Variants in NRXN3 observed in about 807,000 individuals in gnomAD.
NRXN3 encodes the protein neurexin 3.
In NRXN3, 32 loss-of-function variants were observed where a neutral mutation model predicts 137.6. The observed-to-expected ratio is 0.23, with a 90% CI of 0.18 to 0.31. The LOEUF (loss-of-function observed/expected upper bound fraction) is 0.31, where lower values mean the gene tolerates loss of function less well. Ranked by LOEUF, NRXN3 falls within the 10% of genes least tolerant of loss-of-function variation. The pLI is 1.00. For missense variants in NRXN3, 1,574 were observed against 2,062.5 expected (o/e 0.76, Z 4.59); for synonymous variants, 798 against 784.5 (o/e 1.02, Z -0.29).
At chr14:79,028,951 G>A (rs1450824629) in intron 15 of NRXN3, among the ~76,000 whole-genome samples, 4 of 152,076 alleles carry the variant, frequency 2.6e-5, no homozygotes, top group African/African-American at 9.7e-5. Context: ...GCATTGGGAT[G>A]GGGATGAGGC....
At chr14:78,603,812 C>G (rs1194894473) in intron 4 of NRXN3, among the ~76,000 whole-genome samples, 1 of 152,120 alleles carries the variant, frequency 6.6e-6, no homozygotes, top group African/African-American at 2.4e-5. Context: ...CCATGGCCTT[C>G]ATAGGCTAGA....
intron 16 of NRXN3, among the ~76,000 whole-genome samples, chr14:79,585,993 T>C (rs1444754866): frequency 1.3e-5 from 2 of 152,222 alleles, no homozygotes; most frequent in Admixed American, 6.5e-5. Context: ...GCGTAGCATA[T>C]GGTGCTCCCT....
chr14:79,588,163 G>A (rs1279754764), intron 16 of NRXN3, among the ~76,000 whole-genome samples: 1 of 152,184 alleles, frequency 6.6e-6, no homozygotes, highest in Admixed American at 6.5e-5. Context: ...GCTTGAAGGA[G>A]TCAGTATGTA....
At chr14:78,577,651 G>A (rs1002657857) in intron 4 of NRXN3, among the ~76,000 whole-genome samples, 1 of 152,092 alleles carries the variant, frequency 6.6e-6, no homozygotes, top group Non-Finnish European at 1.5e-5. Context: ...TTTTAGTAGA[G>A]ATGGGGTTTC....
intron 19 of NRXN3, among the ~76,000 whole-genome samples, chr14:79,724,082 A>G (rs900127226): frequency 6.6e-6 from 1 of 152,132 alleles, no homozygotes; most frequent in Non-Finnish European, 1.5e-5. Flanking sequence ...TTTTTGTTAG[A>G]TTTCTGCTGT....
intron 6 of NRXN3, among the ~76,000 whole-genome samples, chr14:78,682,157 C>T (rs1014349483): frequency 3.9e-5 from 6 of 152,088 alleles, no homozygotes; most frequent in African/African-American, 7.2e-5. Context: ...TGAGCCACCA[C>T]ACCTGGCCGA....
intron 4 of NRXN3, among the ~76,000 whole-genome samples, chr14:78,523,364 C>T (rs1290552685): frequency 3.3e-5 from 5 of 152,276 alleles, no homozygotes; most frequent in Admixed American, 1.3e-4. Flanking sequence ...ATCAATTGTA[C>T]TTTTGTTCAT....
At chr14:78,302,867 G>A (rs527346554) in intron 4 of NRXN3, among the ~76,000 whole-genome samples, 14 of 152,308 alleles carry the variant, frequency 9.2e-5, no homozygotes, top group African/African-American at 3.1e-4. Flanking sequence ...AATGTCTCTT[G>A]CATCTCTGCT....
At chr14:79,417,305 T>A (rs1290226994) in intron 15 of NRXN3, among the ~76,000 whole-genome samples, 1 of 152,170 alleles carries the variant, frequency 6.6e-6, no homozygotes, top group Non-Finnish European at 1.5e-5. Context: ...GAACATTAAG[T>A]TTTTATTAAT....
chr14:79,727,099 A>T (rs1329138658), intron 19 of NRXN3, among the ~76,000 whole-genome samples: 1 of 152,242 alleles, frequency 6.6e-6, no homozygotes, highest in Non-Finnish European at 1.5e-5. Flanking sequence ...ATAAACACAT[A>T]GCACTAAGGT....
chr14:78,211,681 C>G (rs2062756039), intron 1 of NRXN3, among the ~76,000 whole-genome samples: 1 of 152,256 alleles, frequency 6.6e-6, no homozygotes, highest in African/African-American at 2.4e-5. Flanking sequence ...CAGAGTGCCA[C>G]TATTCTAACG....
At chr14:78,485,665 G>A (rs1396551550) in intron 4 of NRXN3, among the ~76,000 whole-genome samples, 1 of 152,112 alleles carries the variant, frequency 6.6e-6, no homozygotes, top group Non-Finnish European at 1.5e-5. Flanking sequence ...AGAGCCCTTG[G>A]CCACTTTATT....
chr14:78,592,806 C>G (rs1002750937), intron 4 of NRXN3, among the ~76,000 whole-genome samples: 1 of 152,142 alleles, frequency 6.6e-6, no homozygotes, highest in Non-Finnish European at 1.5e-5. Context: ...ACTGGGGACT[C>G]GATAACTAAA....
intron 15 of NRXN3, among the ~76,000 whole-genome samples, chr14:79,221,160 G>T (rs530037690): frequency 9.2e-5 from 14 of 152,102 alleles, no homozygotes; most frequent in Admixed American, 2.6e-4. Context: ...TCATTGATGG[G>T]CATTTAGGTT....
intron 8 of NRXN3, among the ~76,000 whole-genome samples, chr14:78,792,136 A>G (rs2098806978): frequency 6.6e-6 from 1 of 151,754 alleles, no homozygotes; most frequent in Admixed American, 6.6e-5. Context: ...CGTGAGCTAC[A>G]TTCTATGGCT....
chr14:79,030,007 C>A (rs1200424484), intron 15 of NRXN3, among the ~76,000 whole-genome samples: 2 of 150,964 alleles, frequency 1.3e-5, no homozygotes, highest in Non-Finnish European at 3.0e-5. Flanking sequence ...CCACTGTGCC[C>A]GTCTAATTTT....
At chr14:79,513,105 A>C (rs138113632) in intron 16 of NRXN3, among the ~76,000 whole-genome samples, 4 of 152,374 alleles carry the variant, frequency 2.6e-5, no homozygotes, top group East Asian at 3.9e-4. Flanking sequence ...GTATAACCCC[A>C]TAAGGATGGT....
intron 15 of NRXN3, among the ~76,000 whole-genome samples, chr14:79,327,675 C>T (rs918875512): frequency 6.6e-6 from 1 of 152,146 alleles, no homozygotes; most frequent in Non-Finnish European, 1.5e-5. Flanking sequence ...TTTGAATTTC[C>T]ATTGCATATT....
At chr14:78,194,737 A>G (rs1222487623) in intron 1 of NRXN3, among the ~76,000 whole-genome samples, 4 of 152,204 alleles carry the variant, frequency 2.6e-5, no homozygotes, top group African/African-American at 9.7e-5. Context: ...CAGTAGTTGC[A>G]GAGGAGAGAA....
Sources: allele counts gnomAD v4.1 joint callset (sites outside exome capture counted in the v4.1 genomes callset), GRCh38; gene constraint gnomAD v4.1.1; transcripts MANE v1.5; gene names NCBI Gene and HGNC (gene_info 2026-07-23, HGNC 2026-07-21).